Variants in XXYLT1 observed in about 807,000 individuals in gnomAD.
The protein encoded by XXYLT1 is UDP-xylose:alpha-xyloside alpha-1,3-xylosyltransferase.
In XXYLT1, 20 loss-of-function variants were observed where a neutral mutation model predicts 28.9. The observed-to-expected ratio is 0.69, with a 90% CI of 0.49 to 1.00. The LOEUF (loss-of-function observed/expected upper bound fraction) is 1.00. Among genes scored for constraint, XXYLT1 ranks in the 50% least tolerant of loss-of-function variants. The pLI, the probability that XXYLT1 is intolerant of heterozygous loss-of-function variation, is 0.00. For synonymous variants in XXYLT1, 257 were observed against 253.8 expected, an observed-to-expected ratio of 1.01 and a Z score of -0.12; for missense variants, 542 against 560.1, an observed-to-expected ratio of 0.97 and a Z score of 0.33.
At chr3:195,261,462 TTAAAG>T (rs1480270394) in intron 1 of XXYLT1, among the ~76,000 whole-genome samples, 1 of 151,564 alleles carries the variant, frequency 6.6e-6, no homozygotes, top group Admixed American at 6.6e-5. Context: ...AAAAAGGAAA[TTAAAG>T]AAAAGAAAAG....
At position 195,176,232 on chromosome 3, in the gene XXYLT1, T is replaced by A. The variant is rs1312324346; in HGVS notation, c.653-19651A>T. Among the ~76,000 whole-genome samples, 1 of 152,218 alleles carries A rather than the reference T, an allele frequency of 6.6e-6. No homozygotes were observed. Among genetic ancestry groups the A allele is most frequent in the Non-Finnish European group, 1.5e-5 (1 of 68,048 alleles). On this transcript the variant is annotated intron_variant, in intron 2 of 3. Transcript: ENST00000310380. This position sits in a 1 kb window ranked among gnomAD's most constrained non-coding sequence, Gnocchi z 4.9. ...CCACCATGCCCCGCTAATTTCTGTATTTTTTGTAGAGACAGGGTTTCACCA... is the reference window on the plus strand; with the variant it reads ...CCACCATGCCCCGCTAATTTCTGTAATTTTTGTAGAGACAGGGTTTCACCA...
intron 1 of XXYLT1, among the ~76,000 whole-genome samples, chr3:195,263,551 C>T (rs571591184): frequency 1.3e-5 from 2 of 152,302 alleles, no homozygotes; most frequent in Non-Finnish European, 2.9e-5. Flanking sequence ...CGCTGTGCCC[C>T]TTCTGCATGC....
intron 3 of XXYLT1, among the ~76,000 whole-genome samples, chr3:195,089,322 G>A (rs1434701836): frequency 6.6e-6 from 1 of 152,280 alleles, no homozygotes; most frequent in Non-Finnish European, 1.5e-5. Flanking sequence ...ACTAACAGTG[G>A]ATCTCTCGGC....
chr3:195,154,783 A>C (rs2108679711), intron 3 of XXYLT1, among the ~76,000 whole-genome samples: 1 of 152,320 alleles, frequency 6.6e-6, no homozygotes, highest in East Asian at 1.9e-4. Flanking sequence ...AAGCTTTTTA[A>C]TAAACTTTCT....
intron 3 of XXYLT1, among the ~76,000 whole-genome samples, chr3:195,152,988 C>G (rs1284314358): frequency 6.6e-6 from 1 of 152,234 alleles, no homozygotes; most frequent in Non-Finnish European, 1.5e-5. Flanking sequence ...GAGCCCACTG[C>G]CAGTTCCATG....
At chr3:195,080,470 C>T (rs753119150) in intron 3 of XXYLT1, among the ~76,000 whole-genome samples, 2 of 151,950 alleles carry the variant, frequency 1.3e-5, no homozygotes, top group Non-Finnish European at 2.9e-5. Context: ...GACCCACATG[C>T]ACCTGGCCCA....
In XXYLT1 at chr3:195,078,379, T is replaced by C. The variant is rs946171907; in HGVS notation, c.786-8268A>G. ...GAGAGGCCCGTAGCGAGTCAGGCCA[T>C]GGGGGCCTTTTCTGCTGTGGGAGCT... On this transcript the variant is annotated intron_variant, in intron 3 of 3. Coordinates refer to ENST00000310380, the MANE Select transcript of XXYLT1 (RefSeq NM_152531.5). The surrounding 1 kb of genome is among the most constrained non-coding windows in gnomAD (Gnocchi z 5.0). Among the ~76,000 whole-genome samples, 13 of 152,044 alleles carry C rather than the reference T, an allele frequency of 8.6e-5. No individual in the cohort carries two copies. Among genetic ancestry groups the C allele is most frequent in the Non-Finnish European group, 7.4e-5 (5 of 67,994 alleles).
Position 195,187,431 on chromosome 3 carries a change from A to G in XXYLT1, c.653-30850T>C, listed in dbSNP as rs534607809. Among the ~76,000 whole-genome samples, 10 of 152,016 alleles carry G rather than the reference A, an allele frequency of 6.6e-5. No individual in the cohort carries two copies. The South Asian group carries it at 1.9e-3, about 28-fold the overall frequency. On this transcript the variant is annotated intron_variant, in intron 2 of 3. Coordinates refer to ENST00000310380, the MANE Select transcript of XXYLT1 (RefSeq NM_152531.5). Reference sequence around the variant, plus strand: ...GTCCCTTCTCTTGATACCAGCCTCCACTGTTATTATTAATATTCATTCAAT... The same window carrying G: ...GTCCCTTCTCTTGATACCAGCCTCCGCTGTTATTATTAATATTCATTCAAT...
intron 3 of XXYLT1, chr3:195,152,480 C>T (rs1198847899): frequency 6.6e-6 from 1 of 152,556 alleles, no homozygotes; most frequent in African/African-American, 2.4e-5. Flanking sequence ...TCTCTCCCTA[C>T]ACTAATATCC....
chr3:195,226,803 C>A lies in XXYLT1; in HGVS notation c.558G>T (p.Glu186Asp). ...CAGCACTGAAGTGCTTCTGCATGGC[C>A]TCCACGATGGGGAAGAGCTTATCCG... ...VLTDKLFPIV[E>D]AMQKHFSAGL... Residue 186 changes from glutamate (E) to aspartate (D), a missense_variant, in exon 2 of 4, where the codon GAG (glutamate) becomes GAT (aspartate). By Grantham distance (45) the Glu-to-Asp change is conservative. Transcript: ENST00000310380. The A allele has an allele frequency of 6.2e-7, 1 of 1,613,732 alleles. No homozygotes were observed.
chr3:195,271,097 G>A lies in XXYLT1; in HGVS notation c.-39C>T, dbSNP rs530563578. On this transcript the variant is annotated 5_prime_UTR_variant, in exon 1 of 4. Coordinates refer to ENST00000310380, the MANE Select transcript of XXYLT1 (RefSeq NM_152531.5). ...GCGGCGCCAGCGGTGCCAGCAACGCGGGAGAGCCCTCGGGTACCCGGACGC... is the reference window on the plus strand; with the variant it reads ...GCGGCGCCAGCGGTGCCAGCAACGCAGGAGAGCCCTCGGGTACCCGGACGC... 145 of 1,304,226 alleles carry A rather than the reference G, an allele frequency of 1.1e-4. 1 individual carries two copies. In the East Asian group the frequency reaches 4.3e-3, roughly 39 times the overall value. The allele number at this position is 1,304,226 out of a possible 1,614,324, so 80.8% of individuals were successfully genotyped here.
At position 195,079,308 on chromosome 3, in the gene XXYLT1, A is replaced by T. The variant is rs1379886951; in HGVS notation, c.786-9197T>A. 2.0e-5 allele frequency among the ~76,000 whole-genome samples: 3 copies of T among 152,260 alleles called. No homozygotes were observed. In the South Asian group the frequency reaches 6.2e-4, roughly 32 times the overall value. The stretch of plus-strand genomic sequence containing the variant: ...GACGCCAGGGAGCCAGATGGCACCT[A>T]GAGGCAAACAGAGGACAGAGGGGAG... On this transcript the variant is annotated intron_variant, in intron 3 of 3. Transcript: ENST00000310380.
intron 3 of XXYLT1, among the ~76,000 whole-genome samples, chr3:195,130,552 T>C (rs1043314792): frequency 6.6e-6 from 1 of 152,172 alleles, no homozygotes; most frequent in Non-Finnish European, 1.5e-5. Flanking sequence ...ACGGGTGAAG[T>C]GTAGATCAGG....
intron 3 of XXYLT1, among the ~76,000 whole-genome samples, chr3:195,087,612 A>C (rs1347694671): frequency 6.6e-6 from 1 of 152,214 alleles, no homozygotes; most frequent in Non-Finnish European, 1.5e-5. Flanking sequence ...AATTTGAATG[A>C]ACATAAAGAG....
intron 3 of XXYLT1, among the ~76,000 whole-genome samples, chr3:195,135,081 A>C (rs1399989976): frequency 6.6e-6 from 1 of 152,154 alleles, no homozygotes; most frequent in South Asian, 2.1e-4. Context: ...AATAGACAGA[A>C]AGACATTCTA....
intron 3 of XXYLT1, among the ~76,000 whole-genome samples, chr3:195,106,634 A>G (rs1165589604): frequency 6.6e-6 from 1 of 152,204 alleles, no homozygotes; most frequent in East Asian, 1.9e-4. Context: ...ACGCCGCGGC[A>G]GGGAGGGCCG....
At chr3:195,156,920 A>G (rs1720627092) in intron 2 of XXYLT1, among the ~76,000 whole-genome samples, 1 of 152,080 alleles carries the variant, frequency 6.6e-6, no homozygotes, top group Admixed American at 6.5e-5. Context: ...TTTGGATGAT[A>G]CCTTATGTGG....
chr3:195,260,009 T>C (rs1199484134), intron 1 of XXYLT1: 1 of 152,382 alleles, frequency 6.6e-6, no homozygotes, highest in African/African-American at 2.4e-5. Flanking sequence ...TCAAAGCCGG[T>C]TTACCGGCGG....
intron 1 of XXYLT1, among the ~76,000 whole-genome samples, chr3:195,254,071 A>T (rs914876178): frequency 6.6e-6 from 1 of 152,114 alleles, no homozygotes; most frequent in African/African-American, 2.4e-5. Context: ...TCCCTCTCAC[A>T]TTTCCAGGCT....
Sources: gnomAD v4.1 joint callset for allele counts (sites outside exome capture counted in the v4.1 genomes callset) on GRCh38, gnomAD v4.1.1 for gene constraint, Gnocchi (gnomAD v3.1) non-coding constraint, MANE v1.5 for transcripts, NCBI Gene and HGNC (gene_info 2026-07-23, HGNC 2026-07-21) for gene names.